The following GORAB variants were observed in gnomAD, a reference collection of about 807,000 sequenced individuals.
GORAB encodes RAB6-interacting golgin.
GORAB carries 17 observed loss-of-function variants against 29.9 expected under a neutral mutation model. That is an observed-to-expected ratio of 0.57 (90% CI 0.39 to 0.85). The LOEUF is 0.85. GORAB is among the 40% of genes least tolerant of loss of function. GORAB has a pLI of 0.00. For missense variants in GORAB, 442 were observed against 437.8 expected, an observed-to-expected ratio of 1.01 and a Z score of -0.09; for synonymous variants, 183 against 157.2, an observed-to-expected ratio of 1.16 and a Z score of -1.23.
chr1:170,551,082 A>G (rs1168108886), intron 4 of GORAB, among the ~76,000 whole-genome samples: 1 of 152,206 alleles, frequency 6.6e-6, no homozygotes, highest in Non-Finnish European at 1.5e-5. Flanking sequence ...GTAAGAGTGT[A>G]AGAGGAGTAG....
intron 1 of GORAB, chr1:170,533,530 GTGA>G (rs1648848382): frequency 5.5e-5 from 25 of 454,188 alleles, no homozygotes; most frequent in South Asian, 3.9e-4. Context: ...ACAAAGTTAT[GTGA>G]TAGTAGATAT....
chr1:170,537,144 CTTCT>C (rs1161220655), intron 1 of GORAB, among the ~76,000 whole-genome samples: 1 of 150,834 alleles, frequency 6.6e-6, no homozygotes, highest in Non-Finnish European at 1.5e-5. Context: ...TCCTTTCTTT[CTTCT>C]TTGTCTCTCT....
chr1:170,532,570 G>C, intron 1 of GORAB: 1 of 418,344 alleles, frequency 2.4e-6, no homozygotes, highest in East Asian at 5.2e-5. Flanking sequence ...GAGGAAGTGA[G>C]CCTACAGCCG....
chr1:170,538,097 A>G (rs1476844501), intron 1 of GORAB, among the ~76,000 whole-genome samples: 1 of 152,186 alleles, frequency 6.6e-6, no homozygotes, highest in African/African-American at 2.4e-5. Flanking sequence ...TACATATCTC[A>G]TTTAATTCTT....
intron 2 of GORAB, among the ~76,000 whole-genome samples, chr1:170,542,008 T>C (rs952045496): frequency 1.3e-5 from 2 of 152,052 alleles, no homozygotes; most frequent in South Asian, 2.1e-4. Flanking sequence ...AGTGAGCAAA[T>C]TGAAAGAAAA....
chr1:170,547,270 G>A (rs1428817448), intron 4 of GORAB, among the ~76,000 whole-genome samples: 1 of 152,038 alleles, frequency 6.6e-6, no homozygotes, highest in African/African-American at 2.4e-5. Flanking sequence ...TTGGTACAGT[G>A]CTATGTCCAC....
intron 1 of GORAB, 134 bp from the exon 2 acceptor site, chr1:170,539,076 C>A: frequency 9.2e-7 from 1 of 1,082,336 alleles, no homozygotes. Context: ...TTCCCCTAGA[C>A]TTTCAAGATA....
intron 1 of GORAB, among the ~76,000 whole-genome samples, chr1:170,537,653 A>G (rs971436882): frequency 6.6e-6 from 1 of 152,200 alleles, no homozygotes; most frequent in African/African-American, 2.4e-5. Context: ...TTTTAATGAT[A>G]GCAATTGACT....
intron 2 of GORAB, among the ~76,000 whole-genome samples, chr1:170,541,023 G>A (rs1649380563): frequency 6.6e-6 from 1 of 151,996 alleles, no homozygotes; most frequent in South Asian, 2.1e-4. Context: ...CCAACATGGG[G>A]AAACCCTGTC....
At chr1:170,537,263 A>G (rs559661483) in intron 1 of GORAB, among the ~76,000 whole-genome samples, 47 of 152,260 alleles carry the variant, frequency 3.1e-4, no homozygotes, top group African/African-American at 9.9e-4. Context: ...GGGTAGGTCC[A>G]TGTACTAGGT....
In GORAB at chr1:170,551,046, C is replaced by T. The variant is rs534773157; in HGVS notation, c.663-969C>T. 1.3e-3 allele frequency among the ~76,000 whole-genome samples: 197 copies of T among 152,270 alleles called. 1 individual carries two copies. The highest frequency in any genetic ancestry group is 4.5e-3 in the African/African-American group (187 of 41,556). On this transcript the variant is annotated intron_variant, in intron 4 of 4. Coordinates refer to ENST00000367763, the MANE Select transcript of GORAB (RefSeq NM_152281.3). ...AGATTACCTGTCAACAGAGTTTATACATGTGTAACTATGTAAAATTTCCTA... is the reference window on the plus strand; with the variant it reads ...AGATTACCTGTCAACAGAGTTTATATATGTGTAACTATGTAAAATTTCCTA...
rs1487911348 is a variant in GORAB at position 170,545,166 on chromosome 1, T to G, written c.662+321T>G. On this transcript the variant is annotated intron_variant, in intron 4 of 4. Transcript: ENST00000367763. Reference sequence around the variant, plus strand: ...GCTCATCTTTCAGCATCTAGCAAAGTAAATATCTGAGTGGTTTCGCCAAAA... The same window carrying G: ...GCTCATCTTTCAGCATCTAGCAAAGGAAATATCTGAGTGGTTTCGCCAAAA... The G allele has an allele frequency of 2.9e-6, 3 of 1,034,286 alleles. No homozygotes were observed. The African/African-American group carries it at 5.1e-5, about 17-fold the overall frequency. 64.1% of individuals were successfully genotyped at this position (1,034,286 alleles called of 1,614,324 possible).
In GORAB at chr1:170,551,979, A is replaced by C. The variant is rs1333918658; in HGVS notation, c.663-36A>C. 3.2e-6 allele frequency: 5 copies of C among 1,570,046 alleles called. No homozygotes were observed. In the Admixed American group the frequency reaches 5.1e-5, roughly 16 times the overall value. ...TCTTTTGAATATCTTCTTCAATGGA[A>C]AACTGATGGACCTATCTTTATACAC... On this transcript the variant is annotated intron_variant, in intron 4 of 4. Transcript: ENST00000367763.
At position 170,533,671 on chromosome 1, in the gene GORAB, A is replaced by C. The variant is rs899122580; in HGVS notation, c.61+1387A>C. ...TCCAGGGTAAAGATGACTTAATATA[A>C]AAATCTAAATTAAACAACATATTCA... On this transcript the variant is annotated intron_variant, in intron 1 of 4. Transcript: ENST00000367763. 33 of 405,772 alleles carry C rather than the reference A, an allele frequency of 8.1e-5. No homozygotes were observed. The Admixed American group carries it at 8.2e-4, about 10-fold the overall frequency. 25.1% of individuals were successfully genotyped at this position (405,772 alleles called of 1,614,324 possible).
At chr1:170,533,017 G>A (rs557578310) in intron 1 of GORAB, among the ~76,000 whole-genome samples, 57 of 152,234 alleles carry the variant, frequency 3.7e-4, no homozygotes, top group South Asian at 2.3e-3. Context: ...GATTGTTGGT[G>A]GAAAACTTAG....
chr1:170,539,257 C>T lies in GORAB; in HGVS notation c.109C>T (p.Gln37Ter). ...TCTCCCCGCGAAGAAAAGTCGACAA[C>T]AACTTCAGCGAGAAAAAGCCCTTGT... is the stretch of plus-strand genomic sequence containing the variant. ...RRLPAKKSRQ[Q>*]LQREKALVEQ... Residue 37 changes from glutamine (Q) to a stop codon, truncating the protein, a stop_gained, in exon 2 of 5, where the codon CAA (glutamine) becomes TAA (stop). Transcript: ENST00000367763. LOFTEE classifies it high-confidence loss of function. The T allele has an allele frequency of 6.2e-7, 1 of 1,614,162 alleles. No homozygotes were observed. The highest frequency in any genetic ancestry group is 1.1e-5 in the South Asian group (1 of 91,086).
intron 3 of GORAB, among the ~76,000 whole-genome samples, chr1:170,542,941 G>A (rs1490276181): frequency 6.6e-6 from 1 of 152,090 alleles, no homozygotes. Context: ...ATTTTTATGT[G>A]GGGAGGCCTT....
At position 170,552,320 on chromosome 1, in the gene GORAB, C is replaced by A; in HGVS notation, c.968C>A (p.Ala323Asp). The change falls in exon 5 of 5, where the codon GCT becomes GAT. Residue 323 changes from alanine (A) to aspartate (D), a missense_variant. Ala to Asp is a moderately radical substitution (Grantham distance 126). Coordinates refer to ENST00000367763, the MANE Select transcript of GORAB (RefSeq NM_152281.3). ...PAEESVTLEF[A>D]KENRKCQEQA... ...GAGGAGAGTGTGACATTAGAATTTG[C>A]TAAAGAGAACAGAAAGTGTCAAGAA... The A allele has an allele frequency of 6.2e-7, 1 of 1,614,134 alleles. No individual in the cohort carries two copies.
intron 1 of GORAB, 172 bp from the exon 2 acceptor site, chr1:170,539,038 T>C: frequency 1.4e-6 from 1 of 714,068 alleles, no homozygotes; most frequent in Non-Finnish European, 2.3e-6. Context: ...CTGAAAACTA[T>C]TGAAACTCTA....
Sources: allele counts gnomAD v4.1 joint callset (sites outside exome capture counted in the v4.1 genomes callset), GRCh38; gene constraint gnomAD v4.1.1; transcripts MANE v1.5; gene names NCBI Gene and HGNC (gene_info 2026-07-23, HGNC 2026-07-21).